The following TTC39C variants were observed in gnomAD, a reference collection of about 807,000 sequenced individuals.
TTC39C encodes the protein tetratricopeptide repeat domain 39C, also known as tetratricopeptide repeat protein 39C.
TTC39C carries 33 observed loss-of-function variants against 76.3 expected under a neutral mutation model. The observed-to-expected ratio is 0.43, with a 90% CI of 0.33 to 0.58. The LOEUF is 0.58. TTC39C is among the 20% of genes least tolerant of loss of function. The probability of loss-of-function intolerance (pLI) is 0.04; values close to 1 mark genes in which losing one functional copy is unlikely to be tolerated. For missense variants in TTC39C, 595 were observed against 701.4 expected (o/e 0.85, Z 1.71); for synonymous variants, 254 against 260.6 (o/e 0.97, Z 0.24).
chr18:24,069,062 T>A, intron 3 of TTC39C, 95 bp from the exon 4 acceptor site: 1 of 1,039,636 alleles, frequency 9.6e-7, no homozygotes, highest in Non-Finnish European at 1.4e-6. Flanking sequence ...ACAATTCGTA[T>A]GTGAAATTAT....
chr18:24,031,069 C>T (rs1400867452), intron 1 of TTC39C, among the ~76,000 whole-genome samples: 1 of 151,952 alleles, frequency 6.6e-6, no homozygotes, highest in Non-Finnish European at 1.5e-5. Context: ...GCCTCAGACT[C>T]CTGAGTAGCT....
At position 23,997,114 on chromosome 18, in the gene TTC39C, G is replaced by GA. The variant is rs200621426; in HGVS notation, c.-17+4084dup. ...ACAGAGTGAGACTCCATCTCAAAAA[G>GA]AAAAAAAAGAAATTGGTTTAGGCAG... On this transcript the variant is annotated intron_variant, in intron 1 of 13. Coordinates refer to the TTC39C transcript ENST00000304621. Among the ~76,000 whole-genome samples the GA allele has an allele frequency of 3.4e-3, 515 of 150,818 alleles. 9 individuals are homozygous for GA. The highest frequency in any genetic ancestry group is 0.031 in the Admixed American group (471 of 15,178).
chr18:24,046,974 C>G (rs1159696216), intron 1 of TTC39C, among the ~76,000 whole-genome samples: 2 of 151,892 alleles, frequency 1.3e-5, no homozygotes, highest in Non-Finnish European at 2.9e-5. Flanking sequence ...TTAACTTTCC[C>G]TAAATATCAG....
intron 1 of TTC39C, among the ~76,000 whole-genome samples, chr18:24,034,296 C>A (rs1000825872): frequency 1.3e-5 from 2 of 152,186 alleles, no homozygotes; most frequent in African/African-American, 4.8e-5. Flanking sequence ...CATTATCTTA[C>A]AAGAAGAGGG....
chr18:24,019,123 T>C (rs7238316), intron 1 of TTC39C, among the ~76,000 whole-genome samples: 44,967 of 152,044 alleles, frequency 0.3, 7,516 homozygotes, highest in East Asian at 0.61. Flanking sequence ...ATGAAGCACA[T>C]GGAGGCCTGA....
chr18:24,007,135 A>G (rs189365220), intron 1 of TTC39C, among the ~76,000 whole-genome samples: 38 of 152,330 alleles, frequency 2.5e-4, no homozygotes, highest in African/African-American at 8.7e-4. Flanking sequence ...ACGGATTGCT[A>G]AGTAACCCCA....
chr18:24,019,938 G>T, intron 1 of TTC39C: 1 of 1,517,370 alleles, frequency 6.6e-7, no homozygotes, highest in South Asian at 1.2e-5. Context: ...TGTTGAGTCA[G>T]CAGGCCTCTG....
At chr18:24,075,347 G>A (rs2084290499) in intron 4 of TTC39C, among the ~76,000 whole-genome samples, 1 of 151,978 alleles carries the variant, frequency 6.6e-6, no homozygotes, top group Non-Finnish European at 1.5e-5. Context: ...ACGAGGCAGT[G>A]GGCTGACTGG....
At chr18:24,064,423 T>C (rs1015338211) in intron 2 of TTC39C, among the ~76,000 whole-genome samples, 1 of 152,198 alleles carries the variant, frequency 6.6e-6, no homozygotes, top group African/African-American at 2.4e-5. Context: ...CAAAGTCCTT[T>C]TTAGAATAAA....
intron 1 of TTC39C, chr18:23,994,212 G>A (rs2083241636): frequency 6.7e-6 from 1 of 148,540 alleles, no homozygotes. Flanking sequence ...AAATAGATAT[G>A]TTTTCCTCAA....
intron 6 of TTC39C, among the ~76,000 whole-genome samples, chr18:24,092,382 A>T (rs1599317925): frequency 6.6e-6 from 1 of 152,172 alleles, no homozygotes; most frequent in African/African-American, 2.4e-5. Flanking sequence ...ATGTCAAACT[A>T]TATGAAACAG....
At chr18:24,002,989 C>T (rs1254247561) in intron 1 of TTC39C, among the ~76,000 whole-genome samples, 1 of 152,188 alleles carries the variant, frequency 6.6e-6, no homozygotes, top group Non-Finnish European at 1.5e-5. Context: ...CTTCCATCTG[C>T]CCACAAATCT....
chr18:24,013,643 G>T (rs1050785492), upstream of TTC39C, among the ~76,000 whole-genome samples: 8 of 152,314 alleles, frequency 5.3e-5, no homozygotes, highest in African/African-American at 1.9e-4. Flanking sequence ...AAAAACGACA[G>T]CGACTCAAGG....
intron 1 of TTC39C, among the ~76,000 whole-genome samples, chr18:24,017,313 T>G (rs185819332): frequency 6.6e-6 from 1 of 152,332 alleles, no homozygotes; most frequent in African/African-American, 2.4e-5. Context: ...CAACCTGGGT[T>G]CCAGTCTTTT....
At chr18:24,062,008 G>A (rs1211143187) in intron 1 of TTC39C, among the ~76,000 whole-genome samples, 1 of 152,214 alleles carries the variant, frequency 6.6e-6, no homozygotes, top group East Asian at 1.9e-4. Flanking sequence ...GCAGTGCATT[G>A]TCACGTGCCC....
intron 1 of TTC39C, among the ~76,000 whole-genome samples, chr18:23,996,427 G>A (rs917979780): frequency 1.3e-5 from 2 of 152,184 alleles, no homozygotes; most frequent in Non-Finnish European, 2.9e-5. Flanking sequence ...GGTCAGTGTG[G>A]GCACTGGCTA....
At chr18:24,081,238 G>T (rs899470747) in intron 5 of TTC39C, among the ~76,000 whole-genome samples, 3 of 152,114 alleles carry the variant, frequency 2.0e-5, no homozygotes, top group Non-Finnish European at 4.4e-5. Flanking sequence ...TGAGATTCAC[G>T]ATTCTGATTT....
rs926358034 is a variant in TTC39C at position 24,014,805 on chromosome 18, G to A, written c.-67G>A. 6 of 1,197,068 alleles carry A rather than the reference G, an allele frequency of 5.0e-6. No individual in the cohort carries two copies. The highest frequency in any genetic ancestry group is 6.2e-6 in the Non-Finnish European group (6 of 960,458). The allele number at this position is 1,197,068 out of a possible 1,614,324, so 74.2% of individuals were successfully genotyped here. Reference sequence around the variant, plus strand: ...TCCGGGCAGGTAGAGCCGGGCTCCGGGCGCGCGCGGGGCCGCAGCAGCTGC... The same window carrying A: ...TCCGGGCAGGTAGAGCCGGGCTCCGAGCGCGCGCGGGGCCGCAGCAGCTGC... On this transcript the variant is annotated 5_prime_UTR_variant, in exon 1 of 14. Coordinates refer to ENST00000317571, the MANE Select transcript of TTC39C (RefSeq NM_001135993.2).
At chr18:24,016,897 CTATTCTCAT>C (rs1373513979) in intron 1 of TTC39C, among the ~76,000 whole-genome samples, 2 of 152,222 alleles carry the variant, frequency 1.3e-5, no homozygotes, top group Non-Finnish European at 2.9e-5. Flanking sequence ...TATATTCTCA[CTATTCTCAT>C]GACAACAAAA....
Sources: gnomAD v4.1 joint callset for allele counts (sites outside exome capture counted in the v4.1 genomes callset) on GRCh38, gnomAD v4.1.1 for gene constraint, MANE v1.5 for transcripts, NCBI Gene and HGNC (gene_info 2026-07-23, HGNC 2026-07-21) for gene names.